The following MSRB3 variants were observed in gnomAD, a reference collection of about 807,000 sequenced individuals.
MSRB3 encodes methionine sulfoxide reductase B3.
A neutral mutation model predicts 21.0 loss-of-function variants in MSRB3; 13 were observed. The observed-to-expected ratio is 0.62, with a 90% CI of 0.40 to 0.98. The LOEUF (loss-of-function observed/expected upper bound fraction) is 0.98. MSRB3 is among the 50% of genes least tolerant of loss of function. The pLI, the probability that MSRB3 is intolerant of heterozygous loss-of-function variation, is 0.00. For missense variants in MSRB3, 199 were observed against 230.3 expected (o/e 0.86, Z 0.88); for synonymous variants, 87 against 88.6 (o/e 0.98, Z 0.10).
At chr12:65,406,886 G>A (rs565785052) in intron 5 of MSRB3, among the ~76,000 whole-genome samples, 19 of 152,114 alleles carry the variant, frequency 1.2e-4, no homozygotes, top group Non-Finnish European at 2.8e-4. Context: ...ACTGTGTGAG[G>A]ACCTGGCACC....
intron 6 of MSRB3, among the ~76,000 whole-genome samples, chr12:65,454,904 T>C (rs370626622): frequency 6.6e-6 from 1 of 152,212 alleles, no homozygotes; most frequent in East Asian, 1.9e-4. Flanking sequence ...TAAGAGCAGC[T>C]GCATATTCTA....
intron 5 of MSRB3, among the ~76,000 whole-genome samples, chr12:65,427,744 G>C (rs1881673703): frequency 6.6e-6 from 1 of 152,140 alleles, no homozygotes; most frequent in African/African-American, 2.4e-5. Context: ...AAAGTAGCCG[G>C]GGAGTCAAAA....
chr12:65,360,196 T>A (rs746535389), intron 4 of MSRB3, among the ~76,000 whole-genome samples: 8 of 152,268 alleles, frequency 5.3e-5, no homozygotes, highest in Middle Eastern at 3.4e-3. Context: ...CCAAATACAG[T>A]CACATTCTGA....
In MSRB3 at chr12:65,454,943, C is replaced by G. The variant is rs1883023180; in HGVS notation, c.390+1118C>G. The stretch of plus-strand genomic sequence containing the variant: ...AAGGCAATCTTGTTCTTTCAACCTG[C>G]TTTAAATAAGTGAAATGTAAAGTCT... On this transcript the variant is annotated intron_variant, in intron 6 of 6. Transcript: ENST00000308259. Among the ~76,000 whole-genome samples the G allele has an allele frequency of 3.3e-5, 5 of 152,242 alleles. No individual in the cohort carries two copies. The South Asian group carries it at 1.0e-3, about 32-fold the overall frequency.
chr12:65,287,269 T>G (rs1872419998), intron 1 of MSRB3, among the ~76,000 whole-genome samples: 1 of 151,354 alleles, frequency 6.6e-6, no homozygotes, highest in African/African-American at 2.4e-5. Context: ...ACTACAGGCT[T>G]GTGTCATCAT....
chr12:65,459,870 A>G (rs1411144561), intron 6 of MSRB3, among the ~76,000 whole-genome samples: 1 of 152,278 alleles, frequency 6.6e-6, no homozygotes, highest in South Asian at 2.1e-4. Flanking sequence ...TTGATGCTCA[A>G]ACACTTATTT....
At chr12:65,287,092 TTAGA>T (rs145145661) in intron 1 of MSRB3, among the ~76,000 whole-genome samples, 9,939 of 143,906 alleles carry the variant, frequency 0.069, 1,016 homozygotes, top group African/African-American at 0.21. Flanking sequence ...TTTGTATAAA[TTAGA>T]TAGCCCTAAA....
chr12:65,299,388 C>A (rs1221732336), intron 1 of MSRB3, among the ~76,000 whole-genome samples: 1 of 152,172 alleles, frequency 6.6e-6, no homozygotes, highest in African/African-American at 2.4e-5. Flanking sequence ...TGCCTCATGA[C>A]CTGTTAGGTT....
chr12:65,441,090 A>G (rs1882356084), intron 5 of MSRB3, among the ~76,000 whole-genome samples: 1 of 151,944 alleles, frequency 6.6e-6, no homozygotes, highest in South Asian at 2.1e-4. Context: ...ATATGACTAC[A>G]GTACCATAGT....
rs1950653738 is a variant in MSRB3, at chr12:65,334,093, T to C, written c.263+5490T>C. ...TCAACACTATGCATGTGCAATCAGCTTCTGATAATTTTGTTTGAGACCTTG... is the reference window on the plus strand; with the variant it reads ...TCAACACTATGCATGTGCAATCAGCCTCTGATAATTTTGTTTGAGACCTTG... On this transcript the variant is annotated intron_variant, in intron 4 of 6. Coordinates refer to ENST00000308259, the MANE Select transcript of MSRB3 (RefSeq NM_001031679.3). Among the ~76,000 whole-genome samples the C allele has an allele frequency of 2.0e-5, 3 of 152,248 alleles. No individual in the cohort carries two copies. In the South Asian group the frequency reaches 6.2e-4, roughly 31 times the overall value.
intron 5 of MSRB3, among the ~76,000 whole-genome samples, chr12:65,418,370 T>A (rs1228947570): frequency 6.6e-6 from 1 of 152,216 alleles, no homozygotes; most frequent in Non-Finnish European, 1.5e-5. Context: ...TATTGACTTG[T>A]TGGAGTTCCT....
intron 4 of MSRB3, among the ~76,000 whole-genome samples, chr12:65,339,892 A>C (rs1217198105): frequency 6.6e-6 from 1 of 152,166 alleles, no homozygotes; most frequent in Non-Finnish European, 1.5e-5. Context: ...TCCTTTCCCC[A>C]GTCTAGCTGG....
intron 4 of MSRB3, among the ~76,000 whole-genome samples, chr12:65,351,733 G>C (rs1433449909): frequency 1.3e-5 from 2 of 150,588 alleles, no homozygotes; most frequent in East Asian, 3.9e-4. Flanking sequence ...TAAATTCCTC[G>C]ACACATACAC....
chr12:65,453,235 A>C (rs1284778246), intron 5 of MSRB3, among the ~76,000 whole-genome samples: 1 of 152,180 alleles, frequency 6.6e-6, no homozygotes, highest in Non-Finnish European at 1.5e-5. Flanking sequence ...TGACAACAGG[A>C]TAGTCGTTTT....
At chr12:65,295,358 G>A (rs146812599) in intron 1 of MSRB3, among the ~76,000 whole-genome samples, 4 of 152,190 alleles carry the variant, frequency 2.6e-5, no homozygotes, top group East Asian at 1.9e-4. Flanking sequence ...GACTATTGTC[G>A]AATAGTTGAC....
intron 5 of MSRB3, among the ~76,000 whole-genome samples, chr12:65,422,024 G>A (rs967909863): frequency 2.0e-5 from 3 of 152,086 alleles, no homozygotes; most frequent in African/African-American, 7.2e-5. Flanking sequence ...CAAAATAAAG[G>A]GATGGAGGAA....
At chr12:65,440,202 A>G (rs1882304669) in intron 5 of MSRB3, among the ~76,000 whole-genome samples, 1 of 151,802 alleles carries the variant, frequency 6.6e-6, no homozygotes, top group Non-Finnish European at 1.5e-5. Context: ...ATGCAAAACA[A>G]ACATCCTATA....
At chr12:65,343,541 T>G (rs1207220056) in intron 4 of MSRB3, among the ~76,000 whole-genome samples, 1 of 152,150 alleles carries the variant, frequency 6.6e-6, no homozygotes, top group Non-Finnish European at 1.5e-5. Flanking sequence ...TTTGAATATT[T>G]TAAAATTGGG....
intron 1 of MSRB3, among the ~76,000 whole-genome samples, chr12:65,299,622 G>A (rs1361694311): frequency 6.6e-6 from 1 of 152,188 alleles, no homozygotes; most frequent in African/African-American, 2.4e-5. Context: ...TGTATGTTCA[G>A]TTAAAATTTC....
Sources: allele counts gnomAD v4.1 joint callset (sites outside exome capture counted in the v4.1 genomes callset), GRCh38; gene constraint gnomAD v4.1.1; transcripts MANE v1.5; gene names NCBI Gene and HGNC (gene_info 2026-07-23, HGNC 2026-07-21).